Variants in TTC39B observed in about 807,000 individuals in gnomAD.
TTC39B encodes tetratricopeptide repeat protein 39B.
In TTC39B, 92 loss-of-function variants were observed where a neutral mutation model predicts 96.6. That is an observed-to-expected ratio of 0.95 (90% CI 0.80 to 1.13). The LOEUF is 1.13. TTC39B is among the 50% of genes most tolerant of loss of function. TTC39B has a pLI of 0.00. For synonymous variants in TTC39B, 367 were observed against 299.4 expected (o/e 1.23, Z -2.33); for missense variants, 955 against 809.3 (o/e 1.18, Z -2.18).
At chr9:15,209,261 T>G (rs1164879981) in intron 6 of TTC39B, among the ~76,000 whole-genome samples, 1 of 152,156 alleles carries the variant, frequency 6.6e-6, no homozygotes, top group East Asian at 1.9e-4. Context: ...ATCATGAACC[T>G]TCTGCCCTAG....
intron 6 of TTC39B, among the ~76,000 whole-genome samples, chr9:15,207,983 CAAAAA>C (rs531829809): frequency 7.1e-5 from 6 of 84,582 alleles, no homozygotes; most frequent in Admixed American, 2.7e-4. Context: ...GACTTGGTCT[CAAAAA>C]AAAAAAAAAA....
intron 18 of TTC39B, among the ~76,000 whole-genome samples, chr9:15,177,438 C>T (rs1818000799): frequency 6.6e-6 from 1 of 152,120 alleles, no homozygotes; most frequent in Admixed American, 6.5e-5. Context: ...TTTGGCTAGA[C>T]ACCTGTTAGT....
intron 11 of TTC39B, among the ~76,000 whole-genome samples, chr9:15,190,051 C>T (rs1818767945): frequency 6.6e-6 from 1 of 152,052 alleles, no homozygotes; most frequent in Non-Finnish European, 1.5e-5. Context: ...CTGGTTTTAA[C>T]AGCAATATTA....
intron 1 of TTC39B, among the ~76,000 whole-genome samples, chr9:15,279,377 G>C (rs1586999024): frequency 6.6e-6 from 1 of 152,214 alleles, no homozygotes; most frequent in African/African-American, 2.4e-5. Flanking sequence ...AGTTCCCAAA[G>C]AGTAAGGCTT....
chr9:15,191,918 T>C (rs750954001), intron 9 of TTC39B, among the ~76,000 whole-genome samples: 6 of 152,020 alleles, frequency 3.9e-5, no homozygotes, highest in Non-Finnish European at 7.4e-5. Flanking sequence ...GGGCAGAAAA[T>C]GTAAAGATAT....
chr9:15,199,552 A>G (rs1047110205), intron 8 of TTC39B, among the ~76,000 whole-genome samples: 5 of 151,318 alleles, frequency 3.3e-5, no homozygotes, highest in African/African-American at 9.7e-5. Context: ...TGACTAACAC[A>G]GTGAAACCCC....
intron 2 of TTC39B, among the ~76,000 whole-genome samples, chr9:15,254,648 G>A (rs759752656): frequency 4.0e-5 from 6 of 151,832 alleles, no homozygotes; most frequent in Non-Finnish European, 8.8e-5. Context: ...AGAATGTATC[G>A]TTTAAAATAC....
chr9:15,233,013 G>T (rs1055342754), intron 2 of TTC39B, among the ~76,000 whole-genome samples: 2 of 152,298 alleles, frequency 1.3e-5, no homozygotes, highest in East Asian at 3.9e-4. Context: ...TAGGAGACAT[G>T]GCATTTGTGG....
intron 2 of TTC39B, among the ~76,000 whole-genome samples, chr9:15,234,798 A>G (rs531692261): frequency 1.8e-4 from 28 of 151,840 alleles, no homozygotes; most frequent in African/African-American, 6.3e-4. Context: ...GGGCGGTGCA[A>G]GATGTGCTTT....
chr9:15,275,653 AG>A (rs1221425035), intron 1 of TTC39B, among the ~76,000 whole-genome samples: 1 of 152,166 alleles, frequency 6.6e-6, no homozygotes, highest in Non-Finnish European at 1.5e-5. Flanking sequence ...CAGGAGATAG[AG>A]GAAGGGAGGA....
At chr9:15,289,402 C>G (rs1824097852) in intron 1 of TTC39B, among the ~76,000 whole-genome samples, 2 of 152,152 alleles carry the variant, frequency 1.3e-5, no homozygotes, top group Non-Finnish European at 1.5e-5. Flanking sequence ...TTAATGGATG[C>G]AAATAAGTAT....
intron 16 of TTC39B, chr9:15,183,375 CT>C: frequency 2.3e-6 from 1 of 425,672 alleles, no homozygotes. Context: ...TTAAAAATTC[CT>C]TTTATTGATA....
intron 8 of TTC39B, among the ~76,000 whole-genome samples, chr9:15,194,110 A>G (rs901165921): frequency 1.3e-5 from 2 of 152,192 alleles, no homozygotes; most frequent in Non-Finnish European, 2.9e-5. Flanking sequence ...AAATATTAAT[A>G]TTTGTAAATC....
At chr9:15,294,796 G>C (rs1045151597) in intron 1 of TTC39B, among the ~76,000 whole-genome samples, 1 of 152,196 alleles carries the variant, frequency 6.6e-6, no homozygotes, top group South Asian at 2.1e-4. Flanking sequence ...CAATGCCTGT[G>C]AGCAGCCACA....
At chr9:15,185,332 C>G in exon 16 of TTC39B, 1 of 1,613,828 alleles carries the variant, frequency 6.2e-7, no homozygotes, top group Non-Finnish European at 8.5e-7. Flanking sequence ...GGAGTAACGC[C>G]GAGCCTTCCT....
At chr9:15,271,313 A>G (rs1425603280) in intron 1 of TTC39B, among the ~76,000 whole-genome samples, 1 of 152,208 alleles carries the variant, frequency 6.6e-6, no homozygotes, top group Non-Finnish European at 1.5e-5. Flanking sequence ...GTTGACTTAC[A>G]GGATTTTTAG....
intron 7 of TTC39B, among the ~76,000 whole-genome samples, chr9:15,201,612 G>T (rs1051580410): frequency 6.6e-6 from 1 of 152,148 alleles, no homozygotes; most frequent in African/African-American, 2.4e-5. Context: ...GATCATGATG[G>T]GTTTGGCCAT....
intron 1 of TTC39B, among the ~76,000 whole-genome samples, chr9:15,275,114 T>C (rs902093298): frequency 1.3e-5 from 2 of 152,002 alleles, no homozygotes; most frequent in Non-Finnish European, 2.9e-5. Flanking sequence ...CGATCTTGGC[T>C]CACTGCAACC....
intron 12 of TTC39B, 37 bp from the exon 13 acceptor site, chr9:15,189,670 CA>C (rs1564325865): frequency 6.2e-7 from 1 of 1,614,042 alleles, no homozygotes; most frequent in Non-Finnish European, 8.5e-7. Context: ...GTTCAACAGT[CA>C]ACACTGGCTG....
Sources: allele counts gnomAD v4.1 joint callset (sites outside exome capture counted in the v4.1 genomes callset), GRCh38; gene constraint gnomAD v4.1.1; transcripts MANE v1.5; gene names NCBI Gene and HGNC (gene_info 2026-07-23, HGNC 2026-07-21).